TKTL1: variants seen among roughly 807,000 people sequenced by gnomAD.
TKTL1 encodes transketolase-like protein 1.
In TKTL1, 1 loss-of-function variant was observed where a neutral mutation model predicts 39.3. That is an observed-to-expected ratio of 0.03 (90% CI 0.01 to 0.12). TKTL1 has a LOEUF of 0.12. Among genes scored for constraint, TKTL1 ranks in the 10% least tolerant of loss-of-function variants. The probability of loss-of-function intolerance (pLI) is 1.00; values close to 1 mark genes in which losing one functional copy is unlikely to be tolerated. For missense variants in TKTL1, 575 were observed against 509.6 expected (o/e 1.13, Z -1.24); for synonymous variants, 262 against 193.8 (o/e 1.35, Z -2.92).
At chrX:154,327,559 C>T (rs1557172222) in intron 10 of TKTL1, 32 bp from the exon 11 acceptor site, 2 of 1,157,886 alleles carry the variant, frequency 1.7e-6, no homozygotes, top group East Asian at 3.0e-5. Context: ...GTGTAGTAAC[C>T]ACGGCATTCT....
chrX:154,304,679 A>C (rs782281911), intron 1 of TKTL1, among the ~76,000 whole-genome samples: 1 of 108,555 alleles, frequency 9.2e-6, no homozygotes, highest in Non-Finnish European at 1.9e-5. Context: ...TTGAAATGAG[A>C]GATTATTAAT....
At chrX:154,303,318 C>T (rs1557166397) in intron 1 of TKTL1, among the ~76,000 whole-genome samples, 1 of 102,570 alleles carries the variant, frequency 9.7e-6, no homozygotes, top group African/African-American at 3.6e-5. Context: ...GCTTAAGCAA[C>T]CCTCCCACCT....
Position 154,323,338 on chromosome X carries a change from GT to G in TKTL1, c.1317+2del. On this transcript the variant is annotated splice_donor_variant, in intron 9 of 12. Transcript: ENST00000369915. LOFTEE classifies it high-confidence loss of function. ...TGTTGCTCTGGCAGCCAATGCCAAG[GT>G]ATTTTTAAGGGGACACTAGTTTCAG... 8.3e-7 allele frequency: 1 copy of G among 1,211,090 alleles called. No homozygotes were observed. Among genetic ancestry groups the G allele is most frequent in the Non-Finnish European group, 1.1e-6 (1 of 895,180 alleles).
intron 2 of TKTL1, among the ~76,000 whole-genome samples, chrX:154,308,978 T>C (rs1426735011): frequency 9.0e-6 from 1 of 110,966 alleles, no homozygotes; most frequent in Admixed American, 9.6e-5. Context: ...AATCATACTT[T>C]ACGTTTTCTG....
chrX:154,312,829 T>C (rs1194150043), intron 6 of TKTL1, 56 bp downstream of exon 6: 1 of 1,080,373 alleles, frequency 9.3e-7, no homozygotes, highest in African/African-American at 1.8e-5. Context: ...CTTTGTTCTC[T>C]AATGTTGTTC....
At chrX:154,296,103 G>A (rs2067225158) in intron 1 of TKTL1, 110 bp downstream of exon 1, 2 of 1,014,120 alleles carry the variant, frequency 2.0e-6, no homozygotes, top group Non-Finnish European at 2.7e-6. Context: ...GAGGCACAAT[G>A]GGCTGTGTCG....
chrX:154,329,785 A>T lies in TKTL1; in HGVS notation c.*97A>T. ...TCTCTACTGTCACATTTTGTTTCTT[A>T]AAAGCAAAGCCAGCTAACACCTTCA... On this transcript the variant is annotated 3_prime_UTR_variant, in exon 13 of 13. Transcript: ENST00000369915. The T allele has an allele frequency of 9.9e-7, 1 of 1,013,248 alleles. No individual in the cohort carries two copies. The highest frequency in any genetic ancestry group is 1.4e-6 in the Non-Finnish European group (1 of 739,968). 83.5% of individuals were successfully genotyped at this position (1,013,248 alleles called of 1,213,427 possible).
At chrX:154,318,689 CAG>C (rs1406113391) in intron 7 of TKTL1, among the ~76,000 whole-genome samples, 1 of 83,821 alleles carries the variant, frequency 1.2e-5, no homozygotes, top group African/African-American at 4.9e-5. Flanking sequence ...GCCTGGGCGA[CAG>C]AGCGAGCCTC....
In TKTL1 at chrX:154,315,638, G is replaced by C. The variant is rs372854134; in HGVS notation, c.1029+301G>C. 3.6e-4 allele frequency among the ~76,000 whole-genome samples: 40 copies of C among 111,601 alleles called. No individual in the cohort carries two copies. In the East Asian group the frequency reaches 3.9e-3, roughly 11 times the overall value. On this transcript the variant is annotated intron_variant, in intron 7 of 12. Coordinates refer to ENST00000369915, the MANE Select transcript of TKTL1 (RefSeq NM_012253.4). ...CATCTGAACCCAGGGCTCTGGGCCTGAAGCATCCCAGGCTCCCTAGTAGCT... is the reference window on the plus strand; with the variant it reads ...CATCTGAACCCAGGGCTCTGGGCCTCAAGCATCCCAGGCTCCCTAGTAGCT...
At chrX:154,316,714 C>G (rs1557169427) in intron 7 of TKTL1, among the ~76,000 whole-genome samples, 10 of 110,204 alleles carry the variant, frequency 9.1e-5, no homozygotes. Flanking sequence ...GCTCCCCATG[C>G]TCTGCTGGGC....
At chrX:154,316,454 A>G (rs960730320) in intron 7 of TKTL1, among the ~76,000 whole-genome samples, 2 of 111,349 alleles carry the variant, frequency 1.8e-5, no homozygotes, top group African/African-American at 6.5e-5. Context: ...AGTCCCAGCT[A>G]CTCGGGACTC....
intron 7 of TKTL1, among the ~76,000 whole-genome samples, chrX:154,318,545 A>C: frequency 1.0e-5 from 1 of 97,531 alleles, no homozygotes; most frequent in South Asian, 4.4e-4. Flanking sequence ...TAAAAATACA[A>C]AAAAAAAAAA....
chrX:154,311,321 C>T, intron 5 of TKTL1, 83 bp downstream of exon 5: 1 of 1,148,807 alleles, frequency 8.7e-7, no homozygotes. Context: ...CTTAGAGGGG[C>T]CTAGGCAGAT....
intron 1 of TKTL1, among the ~76,000 whole-genome samples, chrX:154,302,389 G>A (rs781951008): frequency 3.6e-5 from 4 of 111,324 alleles, no homozygotes; most frequent in African/African-American, 1.3e-4. Context: ...GCAGATATTC[G>A]TCTCTCACTG....
At chrX:154,317,533 C>T (rs1315431942) in intron 7 of TKTL1, among the ~76,000 whole-genome samples, 3 of 112,262 alleles carry the variant, frequency 2.7e-5, no homozygotes, top group Non-Finnish European at 3.8e-5. Context: ...GTCTTATAGG[C>T]GCCCTTTTCA....
chrX:154,297,834 G>C (rs2067242692), intron 1 of TKTL1, among the ~76,000 whole-genome samples: 1 of 111,634 alleles, frequency 9.0e-6, no homozygotes. Context: ...CTACGCGGGG[G>C]ACAGAGTTTG....
intron 7 of TKTL1, among the ~76,000 whole-genome samples, chrX:154,316,036 C>G (rs2067396969): frequency 8.9e-6 from 1 of 111,864 alleles, no homozygotes; most frequent in African/African-American, 3.3e-5. Flanking sequence ...GCCAGCAGGT[C>G]TTATGTGACC....
chrX:154,329,652 TATC>T lies in TKTL1; in HGVS notation c.1758_1760del (p.Ile587del). The T allele has an allele frequency of 1.7e-6, 2 of 1,211,684 alleles. No homozygotes were observed. The highest frequency in any genetic ancestry group is 2.2e-6 in the Non-Finnish European group (2 of 895,327). On this transcript the variant is annotated inframe_deletion, in exon 13 of 13. Coordinates refer to ENST00000369915, the MANE Select transcript of TKTL1 (RefSeq NM_012253.4). The stretch of plus-strand genomic sequence containing the variant: ...ATATGTATGGAATTAGTGCCAGACA[TATC>T]ATAGTGGCCGTGAAATGCATGTTGC...
intron 1 of TKTL1, among the ~76,000 whole-genome samples, chrX:154,302,392 T>C (rs1402874611): frequency 1.8e-5 from 2 of 111,384 alleles, no homozygotes; most frequent in Non-Finnish European, 3.8e-5. Flanking sequence ...GATATTCGTC[T>C]CTCACTGTCT....
Sources: allele counts gnomAD v4.1 joint callset (sites outside exome capture counted in the v4.1 genomes callset), GRCh38; gene constraint gnomAD v4.1.1; transcripts MANE v1.5; gene names NCBI Gene and HGNC (gene_info 2026-07-23, HGNC 2026-07-21).